CST8: variants seen among roughly 807,000 people sequenced by gnomAD.
CST8 encodes cystatin-8.
Under a neutral mutation model 11.8 loss-of-function variants are expected in CST8, and 20 were observed. The observed-to-expected ratio is 1.70, with a 90% CI of 1.20 to 2.47. The LOEUF (loss-of-function observed/expected upper bound fraction) is 2.47, where lower values mean the gene tolerates loss of function less well. CST8 is among the 30% of genes most tolerant of loss of function. The pLI is 0.00. For missense variants in CST8, 196 were observed against 167.2 expected, an observed-to-expected ratio of 1.17 and a Z score of -0.95; for synonymous variants, 77 against 63.1, an observed-to-expected ratio of 1.22 and a Z score of -1.05.
At chr20:23,506,694 A>G in the CST8 span, among the ~76,000 whole-genome samples, 1 of 152,178 alleles carries the variant, frequency 6.6e-6, no homozygotes, top group South Asian at 2.1e-4. Context: ...AGTTCTGACT[A>G]CCTATCATAT....
intron 2 of CST8, among the ~76,000 whole-genome samples, chr20:23,492,211 A>G (rs1412932732): frequency 6.6e-6 from 1 of 152,234 alleles, no homozygotes; most frequent in Non-Finnish European, 1.5e-5. Flanking sequence ...AAGATCTGAT[A>G]AAGGTGAGTC....
At chr20:23,494,224 A>T (rs1027802241) in intron 3 of CST8, among the ~76,000 whole-genome samples, 16 of 152,116 alleles carry the variant, frequency 1.1e-4, no homozygotes, top group African/African-American at 3.4e-4. Context: ...GGTTGCTTTA[A>T]ATTTATATTT....
chr20:23,491,299 C>T lies in CST8; in HGVS notation c.-187C>T, dbSNP rs964134495. 3 of 228,168 alleles carry T rather than the reference C, an allele frequency of 1.3e-5. No individual in the cohort carries two copies. Among genetic ancestry groups the T allele is most frequent in the Non-Finnish European group, 2.6e-5 (3 of 115,572 alleles). The allele number at this position is 228,168 out of a possible 1,614,324, so 14.1% of individuals were successfully genotyped here. ...GCAGCCACAGTTTTCATGATCACAT[C>T]ATACAGGACTGAGAAGCAGATAACA... On this transcript the variant is annotated 5_prime_UTR_variant, in exon 1 of 4. Coordinates refer to ENST00000246012, the MANE Select transcript of CST8 (RefSeq NM_005492.4).
At chr20:23,496,239 C>T (rs1397008953), downstream of CST8, among the ~76,000 whole-genome samples, 2 of 151,786 alleles carry the variant, frequency 1.3e-5, no homozygotes, top group Admixed American at 1.3e-4. Flanking sequence ...GAAATTCACC[C>T]CCCATATTTC....
chr20:23,494,321 C>G (rs925802842), intron 3 of CST8, among the ~76,000 whole-genome samples: 1 of 152,140 alleles, frequency 6.6e-6, no homozygotes, highest in Non-Finnish European at 1.5e-5. Context: ...AAATTGTTCT[C>G]AAGGAGCCCA....
At position 23,491,848 on chromosome 20, in the gene CST8, G is replaced by T; in HGVS notation, c.181G>T (p.Glu61Ter). The change falls in exon 2 of 4, where the codon GAG becomes TAG. Residue 61 changes from glutamate to a stop codon, truncating the protein, a stop_gained. Coordinates refer to ENST00000246012, the MANE Select transcript of CST8 (RefSeq NM_005492.4). LOFTEE classifies it high-confidence loss of function. ...CATGCAAGAATACAACAAAGAGAGC[G>T]AGGACAAGTATGTCTTCCTGGTGGT... The part of the protein sequence containing the change: ...FAMQEYNKES[E>*]DKYVFLVVKT... The T allele has an allele frequency of 6.2e-7, 1 of 1,614,202 alleles. No homozygotes were observed. Among genetic ancestry groups the T allele is most frequent in the Non-Finnish European group, 8.5e-7 (1 of 1,180,036 alleles).
the CST8 span, among the ~76,000 whole-genome samples, chr20:23,503,977 G>T: frequency 2.6e-5 from 4 of 152,250 alleles, no homozygotes; most frequent in Non-Finnish European, 5.9e-5. Flanking sequence ...ACTGGAGTAG[G>T]TTCCAGAGAG....
chr20:23,502,843 A>G, the CST8 span, among the ~76,000 whole-genome samples: 1 of 152,232 alleles, frequency 6.6e-6, no homozygotes, highest in African/African-American at 2.4e-5. Context: ...TTAATTCTTG[A>G]AAAACTTGAT....
chr20:23,492,309 T>A (rs1447386199), intron 2 of CST8, among the ~76,000 whole-genome samples: 1 of 152,222 alleles, frequency 6.6e-6, no homozygotes, highest in Non-Finnish European at 1.5e-5. Context: ...TAAATGGACA[T>A]CACAAGTAGC....
At chr20:23,497,817 T>C (rs1422094171), downstream of CST8, among the ~76,000 whole-genome samples, 1 of 152,234 alleles carries the variant, frequency 6.6e-6, no homozygotes, top group African/African-American at 2.4e-5. Context: ...TATCTCCAGC[T>C]ATCCCTAACC....
At chr20:23,506,439 C>T in the CST8 span, among the ~76,000 whole-genome samples, 1 of 152,182 alleles carries the variant, frequency 6.6e-6, no homozygotes, top group African/African-American at 2.4e-5. Flanking sequence ...GAAGAAGTCC[C>T]ATTCCCCATT....
the CST8 span, among the ~76,000 whole-genome samples, chr20:23,503,851 G>A: frequency 1.3e-5 from 2 of 152,298 alleles, no homozygotes; most frequent in Middle Eastern, 6.8e-3. Flanking sequence ...CTCGAAGGGA[G>A]GGAGTGCCCA....
chr20:23,503,216 C>A, the CST8 span, among the ~76,000 whole-genome samples: 1 of 152,230 alleles, frequency 6.6e-6, no homozygotes, highest in African/African-American at 2.4e-5. Flanking sequence ...TTTACCCAAG[C>A]TAAAACCAGG....
At chr20:23,506,299 G>C in the CST8 span, among the ~76,000 whole-genome samples, 3 of 152,162 alleles carry the variant, frequency 2.0e-5, no homozygotes, top group Non-Finnish European at 4.4e-5. Context: ...GACATGGTGA[G>C]GGTGGGTGCT....
At chr20:23,497,567 A>T (rs528921238), downstream of CST8, among the ~76,000 whole-genome samples, 22 of 152,344 alleles carry the variant, frequency 1.4e-4, no homozygotes, top group African/African-American at 5.3e-4. Context: ...CACACTGCTG[A>T]TAGACATACC....
downstream of CST8, among the ~76,000 whole-genome samples, chr20:23,498,302 A>C (rs920901406): frequency 2.6e-5 from 4 of 152,162 alleles, no homozygotes; most frequent in Non-Finnish European, 5.9e-5. Flanking sequence ...CATAATTAAA[A>C]ATTTTAAAAA....
At chr20:23,498,592 G>A (rs546549690), downstream of CST8, among the ~76,000 whole-genome samples, 1 of 152,294 alleles carries the variant, frequency 6.6e-6, no homozygotes, top group East Asian at 1.9e-4. Flanking sequence ...GCCTTGGAAA[G>A]CCTCTGCTGT....
rs1219160273 is a variant in CST8 at position 23,491,289 on chromosome 20, A to G, written c.-197A>G. The stretch of plus-strand genomic sequence containing the variant: ...GGCCTCTGGGGCAGCCACAGTTTTC[A>G]TGATCACATCATACAGGACTGAGAA... On this transcript the variant is annotated 5_prime_UTR_variant, in exon 1 of 4. An upstream start codon of the reference 5' UTR is lost. Coordinates refer to ENST00000246012, the MANE Select transcript of CST8 (RefSeq NM_005492.4). 1.0e-5 allele frequency: 2 copies of G among 192,858 alleles called. No homozygotes were observed. Among genetic ancestry groups the G allele is most frequent in the Non-Finnish European group, 1.1e-5 (1 of 93,654 alleles). The allele number at this position is 192,858 out of a possible 1,614,324, so 11.9% of individuals were successfully genotyped here.
intron 3 of CST8, among the ~76,000 whole-genome samples, chr20:23,495,395 G>T (rs1007158882): frequency 6.6e-6 from 1 of 152,108 alleles, no homozygotes; most frequent in African/African-American, 2.4e-5. Context: ...CACAATGGGT[G>T]CACTAATTTG....
Sources: gnomAD v4.1 joint callset for allele counts (sites outside exome capture counted in the v4.1 genomes callset) on GRCh38, gnomAD v4.1.1 for gene constraint, MANE v1.5 for transcripts, NCBI Gene and HGNC (gene_info 2026-07-23, HGNC 2026-07-21) for gene names.